DIAPH3: variants seen among roughly 807,000 people sequenced by gnomAD.
DIAPH3 encodes diaphanous related formin 3.
In DIAPH3, 117 loss-of-function variants were observed where a neutral mutation model predicts 144.3. The ratio of observed to expected loss-of-function variants is 0.81; its 90% CI spans 0.70 to 0.95. The LOEUF (loss-of-function observed/expected upper bound fraction) is 0.95, where lower values mean the gene tolerates loss of function less well. DIAPH3 is among the 40% of genes least tolerant of loss of function. The probability of loss-of-function intolerance (pLI) is 0.00; values close to 1 mark genes in which losing one functional copy is unlikely to be tolerated. For synonymous variants in DIAPH3, 519 were observed against 488.9 expected, an observed-to-expected ratio of 1.06 and a Z score of -0.81; for missense variants, 1,421 against 1,412.7, an observed-to-expected ratio of 1.01 and a Z score of -0.09.
At chr13:60,004,312 ATTTAC>A (rs2063789495) in intron 9 of DIAPH3, among the ~76,000 whole-genome samples, 2 of 152,184 alleles carry the variant, frequency 1.3e-5, no homozygotes, top group Admixed American at 1.3e-4. Flanking sequence ...CCACCTCAAA[ATTTAC>A]TTTATTTGTG....
chr13:59,720,055 T>C (rs529094236), intron 27 of DIAPH3, among the ~76,000 whole-genome samples: 50 of 152,186 alleles, frequency 3.3e-4, no homozygotes, highest in Non-Finnish European at 6.9e-4. Context: ...ACTGTGATTT[T>C]GCTGTCATGG....
At chr13:60,016,050 A>G (rs1313164569) in intron 6 of DIAPH3, 21 bp downstream of exon 6, 2 of 1,611,556 alleles carry the variant, frequency 1.2e-6, no homozygotes, top group South Asian at 2.2e-5. Context: ...TTACTTGAAA[A>G]TAATTATTAG....
At chr13:59,879,093 G>A in intron 21 of DIAPH3, 136 bp downstream of exon 21, 1 of 1,263,100 alleles carries the variant, frequency 7.9e-7, no homozygotes, top group Non-Finnish European at 1.1e-6. Context: ...TTCACTCTGG[G>A]TTTGAGTTCA....
chr13:59,972,713 A>G (rs2140596235), intron 15 of DIAPH3, among the ~76,000 whole-genome samples: 1 of 152,302 alleles, frequency 6.6e-6, no homozygotes, highest in Non-Finnish European at 1.5e-5. Flanking sequence ...TGTCTTAAAG[A>G]TATGGCTGAA....
intron 27 of DIAPH3, among the ~76,000 whole-genome samples, chr13:59,748,651 C>T (rs532178332): frequency 6.6e-6 from 1 of 152,144 alleles, no homozygotes; most frequent in African/African-American, 2.4e-5. Flanking sequence ...TTTACAAATC[C>T]ATTTTTCTTC....
At chr13:59,795,683 G>A (rs1013033152) in intron 25 of DIAPH3, among the ~76,000 whole-genome samples, 2 of 151,880 alleles carry the variant, frequency 1.3e-5, no homozygotes, top group Non-Finnish European at 2.9e-5. Context: ...TCGATCTCCT[G>A]ACCTCGTGAT....
intron 27 of DIAPH3, among the ~76,000 whole-genome samples, chr13:59,767,587 A>C (rs1301307357): frequency 6.6e-6 from 1 of 152,074 alleles, no homozygotes; most frequent in Non-Finnish European, 1.5e-5. Flanking sequence ...TTAGACTCTG[A>C]ACTTTTGCCA....
intron 13 of DIAPH3, among the ~76,000 whole-genome samples, chr13:59,981,511 C>CA (rs1199990424): frequency 0.13 from 11,959 of 90,930 alleles, 528 homozygotes; most frequent in African/African-American, 0.2. Context: ...TGATGTTAGA[C>CA]AAAAAAAAAA....
At chr13:60,113,156 G>C (rs530868375) in intron 2 of DIAPH3, among the ~76,000 whole-genome samples, 1 of 152,206 alleles carries the variant, frequency 6.6e-6, no homozygotes, top group South Asian at 2.1e-4. Context: ...AGCTATGTAT[G>C]ATTATTAAAT....
At chr13:59,964,013 G>A (rs559790084) in intron 17 of DIAPH3, among the ~76,000 whole-genome samples, 1 of 152,336 alleles carries the variant, frequency 6.6e-6, no homozygotes, top group South Asian at 2.1e-4. Context: ...CTAAAATAGG[G>A]AAGTGAACTT....
chr13:59,853,277 C>T (rs9570216), intron 22 of DIAPH3, among the ~76,000 whole-genome samples: 9,613 of 152,162 alleles, frequency 0.063, 451 homozygotes, highest in East Asian at 0.28. Flanking sequence ...ACAGTTATTG[C>T]TGTTATCATG....
intron 20 of DIAPH3, among the ~76,000 whole-genome samples, chr13:59,895,130 A>G (rs2046013565): frequency 6.6e-6 from 1 of 152,204 alleles, no homozygotes; most frequent in South Asian, 2.1e-4. Context: ...TAAGTGGGAC[A>G]GTATAAACAC....
chr13:60,132,333 C>A (rs1260675734), intron 2 of DIAPH3, among the ~76,000 whole-genome samples: 1 of 152,130 alleles, frequency 6.6e-6, no homozygotes, highest in Non-Finnish European at 1.5e-5. Flanking sequence ...TCCTCTATAA[C>A]ACACTTACAT....
intron 4 of DIAPH3, among the ~76,000 whole-genome samples, chr13:60,045,516 C>T (rs2056010824): frequency 6.6e-6 from 1 of 152,146 alleles, no homozygotes; most frequent in African/African-American, 2.4e-5. Flanking sequence ...CAATTCAAAA[C>T]ATAAGCCATA....
intron 25 of DIAPH3, among the ~76,000 whole-genome samples, chr13:59,791,046 C>T (rs1438310368): frequency 5.3e-5 from 8 of 152,126 alleles, no homozygotes; most frequent in Non-Finnish European, 8.8e-5. Context: ...AATCATAGCT[C>T]GCTATAATAA....
intron 3 of DIAPH3, among the ~76,000 whole-genome samples, chr13:60,111,267 T>C (rs1282073352): frequency 2.0e-5 from 3 of 152,110 alleles, no homozygotes; most frequent in Non-Finnish European, 2.9e-5. Context: ...GAAAAAGACG[T>C]AGAAAGTGAG....
At chr13:59,928,033 C>T (rs1280988951) in intron 17 of DIAPH3, among the ~76,000 whole-genome samples, 1 of 152,104 alleles carries the variant, frequency 6.6e-6, no homozygotes. Flanking sequence ...TATATATTTG[C>T]TTAATTTTAT....
intron 24 of DIAPH3, among the ~76,000 whole-genome samples, chr13:59,831,222 T>C (rs1016185184): frequency 6.6e-6 from 1 of 151,906 alleles, no homozygotes; most frequent in African/African-American, 2.4e-5. Context: ...CATATATCCA[T>C]TTTATACTTG....
intron 27 of DIAPH3, among the ~76,000 whole-genome samples, chr13:59,699,131 C>T (rs1197679858): frequency 6.6e-6 from 1 of 152,138 alleles, no homozygotes; most frequent in African/African-American, 2.4e-5. Context: ...AAGAGACACA[C>T]AGGTAAACAC....
Sources: allele counts gnomAD v4.1 joint callset (sites outside exome capture counted in the v4.1 genomes callset), GRCh38; gene constraint gnomAD v4.1.1; transcripts MANE v1.5; gene names NCBI Gene and HGNC (gene_info 2026-07-23, HGNC 2026-07-21).